Variants in ZSWIM6 observed in about 807,000 individuals in gnomAD.
ZSWIM6 encodes zinc finger SWIM-type containing 6.
Under a neutral mutation model 113.2 loss-of-function variants are expected in ZSWIM6, and 9 were observed. The observed-to-expected ratio is 0.08, with a 90% CI of 0.05 to 0.14. ZSWIM6 has a LOEUF of 0.14. Among genes scored for constraint, ZSWIM6 ranks in the 10% least tolerant of loss-of-function variants. The pLI is 1.00. For missense variants in ZSWIM6, 1,162 were observed against 1,552.2 expected (o/e 0.75, Z 4.22); for synonymous variants, 611 against 606.5 (o/e 1.01, Z -0.11).
intron 1 of ZSWIM6, among the ~76,000 whole-genome samples, chr5:61,389,212 A>C (rs375554557): frequency 1.1e-4 from 17 of 152,200 alleles, no homozygotes; most frequent in African/African-American, 3.9e-4. Flanking sequence ...ATGGTACCAC[A>C]TTTGTATCCT....
At chr5:61,419,446 T>G (rs759693002) in intron 1 of ZSWIM6, among the ~76,000 whole-genome samples, 2 of 152,228 alleles carry the variant, frequency 1.3e-5, no homozygotes, top group African/African-American at 2.4e-5. Flanking sequence ...GCTATACCAT[T>G]TGGATGTTAA....
chr5:61,454,959 C>T (rs780475284), intron 1 of ZSWIM6, among the ~76,000 whole-genome samples: 18 of 151,558 alleles, frequency 1.2e-4, no homozygotes, highest in Non-Finnish European at 1.8e-4. Flanking sequence ...ATTCTTTGTC[C>T]CAGTCCTAGA....
chr5:61,373,842 A>T (rs1745316730), intron 1 of ZSWIM6, among the ~76,000 whole-genome samples: 1 of 152,168 alleles, frequency 6.6e-6, no homozygotes, highest in Admixed American at 6.5e-5. Context: ...TTTTAGCATT[A>T]AAATTATAGG....
chr5:61,418,005 G>A (rs2112121268), intron 1 of ZSWIM6, among the ~76,000 whole-genome samples: 1 of 152,236 alleles, frequency 6.6e-6, no homozygotes, highest in African/African-American at 2.4e-5. Context: ...AATAACTGAG[G>A]CAGTGAGAAA....
chr5:61,348,093 C>T (rs1311724052), intron 1 of ZSWIM6, among the ~76,000 whole-genome samples: 8 of 152,022 alleles, frequency 5.3e-5, no homozygotes, highest in East Asian at 1.9e-4. Flanking sequence ...TGGTGGCGGG[C>T]GCCTGTAGTC....
intron 1 of ZSWIM6, among the ~76,000 whole-genome samples, chr5:61,406,695 T>TTTATTTATTTA (rs1746049779): frequency 8.2e-6 from 1 of 121,428 alleles, no homozygotes; most frequent in Non-Finnish European, 2.0e-5. Flanking sequence ...AAATCTTTTA[T>TTTATTTATTTA]TTATTTATTT....
intron 1 of ZSWIM6, among the ~76,000 whole-genome samples, chr5:61,433,156 A>G (rs1187616169): frequency 6.6e-6 from 1 of 152,222 alleles, no homozygotes; most frequent in Non-Finnish European, 1.5e-5. Flanking sequence ...TTTTAGTGCT[A>G]TCAAAAAAGA....
At chr5:61,471,381 T>C (rs1747567088) in intron 1 of ZSWIM6, among the ~76,000 whole-genome samples, 1 of 152,110 alleles carries the variant, frequency 6.6e-6, no homozygotes, top group East Asian at 1.9e-4. Context: ...CTATGCAATG[T>C]AGGGAAAGAG....
chr5:61,388,311 T>C (rs887423498), intron 1 of ZSWIM6, among the ~76,000 whole-genome samples: 2 of 152,080 alleles, frequency 1.3e-5, no homozygotes, highest in Non-Finnish European at 2.9e-5. Context: ...CAGTTGTGTG[T>C]TTGTAAAAGT....
chr5:61,334,760 C>T (rs527619625), intron 1 of ZSWIM6, among the ~76,000 whole-genome samples: 4 of 152,284 alleles, frequency 2.6e-5, no homozygotes, highest in African/African-American at 7.2e-5. Context: ...TAACATTCTT[C>T]CTAGTTATAC....
chr5:61,355,821 GATA>G (rs1174152761), intron 1 of ZSWIM6, among the ~76,000 whole-genome samples: 1 of 152,122 alleles, frequency 6.6e-6, no homozygotes, highest in Non-Finnish European at 1.5e-5. Context: ...TTATTGAAAT[GATA>G]ATATTTGTGT....
intron 2 of ZSWIM6, among the ~76,000 whole-genome samples, chr5:61,483,904 AAAAT>A (rs1747946688): frequency 2.0e-5 from 3 of 150,764 alleles, no homozygotes; most frequent in African/African-American, 7.3e-5. Context: ...TAAATAAAAT[AAAAT>A]AAATATATAT....
chr5:61,429,301 TGTA>T (rs1225576921), intron 1 of ZSWIM6, among the ~76,000 whole-genome samples: 1 of 152,218 alleles, frequency 6.6e-6, no homozygotes, highest in East Asian at 1.9e-4. Flanking sequence ...TTACCTGTAT[TGTA>T]GTGGCGATGC....
At chr5:61,518,817 C>CT (rs1478923772) in intron 4 of ZSWIM6, among the ~76,000 whole-genome samples, 2 of 152,040 alleles carry the variant, frequency 1.3e-5, no homozygotes, top group Non-Finnish European at 2.9e-5. Context: ...TCAATTTTGG[C>CT]TTTTTTTGCC....
chr5:61,478,384 A>G (rs757631376), intron 2 of ZSWIM6, among the ~76,000 whole-genome samples: 2 of 152,208 alleles, frequency 1.3e-5, no homozygotes, highest in Non-Finnish European at 2.9e-5. Flanking sequence ...CTCACAAGGC[A>G]GCCACTGTGG....
intron 1 of ZSWIM6, among the ~76,000 whole-genome samples, chr5:61,368,155 A>G (rs1260477741): frequency 1.3e-5 from 2 of 152,170 alleles, no homozygotes; most frequent in African/African-American, 2.4e-5. Flanking sequence ...CCTACACGGT[A>G]GGATTGTTGT....
At position 61,527,501 on chromosome 5, in the gene ZSWIM6, A is replaced by G. The variant is rs184647593; in HGVS notation, c.1837+1105A>G. ...CAAAAGTTACAGTTGAACCAAAGGA[A>G]GAGGGAAGCTCAGATGGGATTGGAA... On this transcript the variant is annotated intron_variant, in intron 7 of 13. Transcript: ENST00000252744. Among the ~76,000 whole-genome samples the G allele has an allele frequency of 3.3e-5, 5 of 152,334 alleles. No homozygotes were observed. In the East Asian group the frequency reaches 9.6e-4, roughly 29 times the overall value.
chr5:61,408,158 A>G (rs772500643), intron 1 of ZSWIM6, among the ~76,000 whole-genome samples: 5 of 152,260 alleles, frequency 3.3e-5, no homozygotes, highest in Non-Finnish European at 5.9e-5. Context: ...AAAGTAGAGA[A>G]CATTATGTAT....
At chr5:61,486,397 ATATAAC>A (rs201029261) in intron 2 of ZSWIM6, among the ~76,000 whole-genome samples, 3,698 of 152,180 alleles carry the variant, frequency 0.024, 162 homozygotes, top group South Asian at 0.18. Flanking sequence ...AAATGCTGTG[ATATAAC>A]GTAGGAGTGC....
Sources: allele counts gnomAD v4.1 joint callset (sites outside exome capture counted in the v4.1 genomes callset), GRCh38; gene constraint gnomAD v4.1.1; transcripts MANE v1.5; gene names NCBI Gene and HGNC (gene_info 2026-07-23, HGNC 2026-07-21).